The following WDR70 variants were observed in gnomAD, a reference collection of about 807,000 sequenced individuals.
WDR70 encodes the protein WD repeat domain 70, also known as WD repeat-containing protein 70.
WDR70 carries 53 observed loss-of-function variants against 88.6 expected under a neutral mutation model. The ratio of observed to expected loss-of-function variants is 0.60; its 90% CI spans 0.48 to 0.75. The LOEUF (loss-of-function observed/expected upper bound fraction) is 0.75, where lower values mean the gene tolerates loss of function less well. Ranked by LOEUF, WDR70 falls within the 30% of genes least tolerant of loss-of-function variation. The pLI, the probability that WDR70 is intolerant of heterozygous loss-of-function variation, is 0.00. For missense variants in WDR70, 610 were observed against 823.2 expected (o/e 0.74, Z 3.17); for synonymous variants, 280 against 270.0 (o/e 1.04, Z -0.36).
chr5:37,390,257 T>C (rs1293098937), intron 3 of WDR70, among the ~76,000 whole-genome samples: 1 of 151,234 alleles, frequency 6.6e-6, no homozygotes. Flanking sequence ...GTTTTTTTTT[T>C]AAATATAGTG....
At chr5:37,521,897 G>A (rs567633269) in intron 9 of WDR70, among the ~76,000 whole-genome samples, 3 of 152,226 alleles carry the variant, frequency 2.0e-5, no homozygotes, top group Non-Finnish European at 2.9e-5. Context: ...GATCCAGTGG[G>A]ATTGCTGGAT....
intron 10 of WDR70, among the ~76,000 whole-genome samples, chr5:37,625,586 G>A (rs1234145680): frequency 6.6e-6 from 1 of 152,056 alleles, no homozygotes; most frequent in Non-Finnish European, 1.5e-5. Context: ...GTGCAGTGGT[G>A]TGATCTCAGC....
intron 10 of WDR70, among the ~76,000 whole-genome samples, chr5:37,689,056 C>G (rs1277321052): frequency 1.3e-5 from 2 of 152,156 alleles, no homozygotes; most frequent in Non-Finnish European, 2.9e-5. Flanking sequence ...CTCGGCGGGT[C>G]CCACACCCAC....
At chr5:37,666,785 A>T (rs372598109) in intron 10 of WDR70, among the ~76,000 whole-genome samples, 1 of 152,156 alleles carries the variant, frequency 6.6e-6, no homozygotes, top group East Asian at 1.9e-4. Flanking sequence ...AGATCCTGGG[A>T]CACACTGCTT....
chr5:37,639,413 A>G (rs146911244), intron 10 of WDR70, among the ~76,000 whole-genome samples: 316 of 152,342 alleles, frequency 2.1e-3, no homozygotes, highest in African/African-American at 7.2e-3. Flanking sequence ...AGACAGGAAG[A>G]AGTTTAAAAA....
chr5:37,440,530 A>C (rs570024149), intron 6 of WDR70, among the ~76,000 whole-genome samples: 343 of 152,270 alleles, frequency 2.3e-3, no homozygotes, highest in Admixed American at 3.7e-3. Flanking sequence ...TTTTTAGTAG[A>C]GATGGGGTTT....
intron 17 of WDR70, among the ~76,000 whole-genome samples, chr5:37,735,143 T>G (rs1748264104): frequency 6.6e-6 from 1 of 152,180 alleles, no homozygotes; most frequent in African/African-American, 2.4e-5. Context: ...TAGTCTATTC[T>G]GAGTTTTCTG....
At chr5:37,472,558 G>A (rs1471821779) in intron 7 of WDR70, among the ~76,000 whole-genome samples, 1 of 152,020 alleles carries the variant, frequency 6.6e-6, no homozygotes. Flanking sequence ...GCAGTGGCAC[G>A]ATCTTGGCTC....
chr5:37,717,693 C>T (rs915561983), intron 13 of WDR70, among the ~76,000 whole-genome samples: 2 of 152,194 alleles, frequency 1.3e-5, no homozygotes, highest in African/African-American at 4.8e-5. Context: ...AAGTTAGCAG[C>T]GTGGCAGCTC....
At chr5:37,658,901 GT>G (rs1279498992) in intron 10 of WDR70, among the ~76,000 whole-genome samples, 1 of 152,032 alleles carries the variant, frequency 6.6e-6, no homozygotes, top group Non-Finnish European at 1.5e-5. Context: ...TTCAATGTTT[GT>G]CTTCCTAGGT....
intron 9 of WDR70, among the ~76,000 whole-genome samples, chr5:37,535,159 G>T (rs566353592): frequency 3.3e-5 from 5 of 151,862 alleles, no homozygotes; most frequent in Non-Finnish European, 7.4e-5. Flanking sequence ...AAAGCAAAAC[G>T]ATAAAGAGTA....
intron 13 of WDR70, among the ~76,000 whole-genome samples, chr5:37,718,870 A>G (rs1747727284): frequency 6.6e-6 from 1 of 152,152 alleles, no homozygotes; most frequent in Admixed American, 6.6e-5. Flanking sequence ...CCCATGAAAT[A>G]TGTGTTCTAG....
At chr5:37,434,166 TG>T (rs978730987) in intron 5 of WDR70, among the ~76,000 whole-genome samples, 1 of 152,096 alleles carries the variant, frequency 6.6e-6, no homozygotes, top group African/African-American at 2.4e-5. Flanking sequence ...GAGTGCGACA[TG>T]CAAGCAGGGG....
intron 9 of WDR70, among the ~76,000 whole-genome samples, chr5:37,570,431 A>G (rs1255781284): frequency 2.6e-5 from 4 of 152,170 alleles, no homozygotes; most frequent in African/African-American, 9.7e-5. Flanking sequence ...AAACTCAGAA[A>G]ATATCTGTTC....
intron 10 of WDR70, among the ~76,000 whole-genome samples, chr5:37,685,190 G>C (rs2112625042): frequency 6.6e-6 from 1 of 152,272 alleles, no homozygotes; most frequent in South Asian, 2.1e-4. Context: ...TGGTGGTATA[G>C]TGGGGGTGAG....
chr5:37,635,852 C>T lies in WDR70; in HGVS notation c.1092+30614C>T, dbSNP rs183260916. 1.8e-3 allele frequency among the ~76,000 whole-genome samples: 281 copies of T among 152,164 alleles called. 2 individuals carry two copies. The highest frequency in any genetic ancestry group is 6.3e-3 in the African/African-American group (261 of 41,508). On this transcript the variant is annotated intron_variant, in intron 10 of 17. Transcript: ENST00000265107. The stretch of plus-strand genomic sequence containing the variant: ...GGGTGGGAGGTAATTTAATCATGCG[C>T]GCGGTTATCCTCATGCTGTTCCTGT...
intron 9 of WDR70, among the ~76,000 whole-genome samples, chr5:37,583,681 A>T (rs1743285747): frequency 6.6e-6 from 1 of 150,508 alleles, no homozygotes; most frequent in African/African-American, 2.4e-5. Context: ...AGTAGGAGGG[A>T]TCCCTTATAC....
At chr5:37,442,759 G>T (rs1442849418) in intron 6 of WDR70, among the ~76,000 whole-genome samples, 1 of 152,146 alleles carries the variant, frequency 6.6e-6, no homozygotes, top group Non-Finnish European at 1.5e-5. Context: ...ATTCTGCTTT[G>T]TTCTACTTTG....
In WDR70 at chr5:37,702,911, G is replaced by A. The variant is rs1350478082; in HGVS notation, c.1278-38G>A. The A allele has an allele frequency of 1.9e-6, 3 of 1,583,790 alleles. No homozygotes were observed. The African/African-American group carries it at 4.0e-5, about 21-fold the overall frequency. On this transcript the variant is annotated intron_variant, in intron 12 of 17. Coordinates refer to ENST00000265107, the MANE Select transcript of WDR70 (RefSeq NM_018034.4). ...TAATGATTGCTGGACTGTTGTGGAG[G>A]TCATAAGCTTATACTCGTAAACTCT...
Sources: allele counts gnomAD v4.1 joint callset (sites outside exome capture counted in the v4.1 genomes callset), GRCh38; gene constraint gnomAD v4.1.1; transcripts MANE v1.5; gene names NCBI Gene and HGNC (gene_info 2026-07-23, HGNC 2026-07-21).